The following ZFP2 variants were observed in gnomAD, a reference collection of about 807,000 sequenced individuals.
ZFP2 encodes the protein zinc finger protein ZFP2.
A neutral mutation model predicts 36.1 loss-of-function variants in ZFP2; 33 were observed. The observed-to-expected ratio is 0.92, with a 90% CI of 0.69 to 1.22. The LOEUF is 1.22. Ranked by LOEUF, ZFP2 falls within the 50% of genes most tolerant of loss-of-function variation. ZFP2 has a pLI of 0.00. For synonymous variants in ZFP2, 170 were observed against 178.0 expected (o/e 0.96, Z 0.36); for missense variants, 522 against 551.4 (o/e 0.95, Z 0.53).
chr5:178,911,633 A>G (rs1252755607), intron 1 of ZFP2, among the ~76,000 whole-genome samples: 1 of 152,188 alleles, frequency 6.6e-6, no homozygotes, highest in African/African-American at 2.4e-5. Flanking sequence ...GGGGGAGTCA[A>G]AAGTTACACA....
At chr5:178,926,835 T>C (rs1758684943) in intron 4 of ZFP2, among the ~76,000 whole-genome samples, 1 of 152,188 alleles carries the variant, frequency 6.6e-6, no homozygotes, top group African/African-American at 2.4e-5. Context: ...GGTATTTTCA[T>C]ACTCAGTTTG....
Position 178,913,826 on chromosome 5 carries a change from T to C in ZFP2, c.-224+755T>C, listed in dbSNP as rs2113087287. ...TTTTACATCTTTATCTTCTCTACCA[T>C]GTGCAAAAGTACCAATCATTTCTTT... On this transcript the variant is annotated intron_variant, in intron 3 of 4. Transcript: ENST00000361362. 4 of 151,692 alleles carry C rather than the reference T, an allele frequency of 2.6e-5. No individual in the cohort carries two copies. The East Asian group carries it at 5.8e-4, about 22-fold the overall frequency. The allele number at this position is 151,692 out of a possible 1,614,324, so 9.4% of individuals were successfully genotyped here. A position where few individuals can be genotyped will look rare whatever the true frequency, so the allele number is the denominator to read the frequency against.
At position 178,931,679 on chromosome 5, in the gene ZFP2, G is replaced by A. The variant is rs751904949; in HGVS notation, c.366G>A (p.Arg122=). ...SQSSSLLKHQ[R]IHTGEKPYKC... ...GCTCATCCCTTCTTAAGCACCAGAG[G>A]ATTCATACTGGGGAGAAACCCTATA... Residue 122 remains arginine, a synonymous_variant, in exon 5 of 5, where the codon AGG becomes AGA. Transcript: ENST00000361362. 6.2e-7 allele frequency: 1 copy of A among 1,614,154 alleles called. No homozygotes were observed. Among genetic ancestry groups the A allele is most frequent in the East Asian group, 2.2e-5 (1 of 44,876 alleles).
At chr5:178,928,364 C>T (rs1212194487) in intron 4 of ZFP2, among the ~76,000 whole-genome samples, 9 of 152,136 alleles carry the variant, frequency 5.9e-5, no homozygotes, top group Non-Finnish European at 1.5e-5. Context: ...AGGCAAGTCC[C>T]TTCTACCTAT....
intron 1 of ZFP2, among the ~76,000 whole-genome samples, chr5:178,901,995 C>T (rs1758067085): frequency 6.6e-6 from 1 of 151,870 alleles, no homozygotes; most frequent in Non-Finnish European, 1.5e-5. Context: ...ATGAACCGGG[C>T]GTGGTGGCAC....
intron 1 of ZFP2, among the ~76,000 whole-genome samples, chr5:178,900,382 C>T (rs1190313600): frequency 2.8e-4 from 33 of 116,894 alleles, no homozygotes; most frequent in Non-Finnish European, 4.1e-4. Flanking sequence ...ACTCCACGTC[C>T]CCCACCCCAG....
At chr5:178,897,847 C>T (rs889273856) in intron 1 of ZFP2, among the ~76,000 whole-genome samples, 3 of 152,150 alleles carry the variant, frequency 2.0e-5, no homozygotes, top group Admixed American at 2.0e-4. Context: ...AACAATGTAT[C>T]TGGTAAATAA....
intron 1 of ZFP2, chr5:178,910,130 T>TGC (rs1167787869): frequency 2.8e-6 from 4 of 1,450,454 alleles, no homozygotes; most frequent in Non-Finnish European, 3.9e-6. Flanking sequence ...TGGAGAACCG[T>TGC]GCACAGATTC....
At chr5:178,928,067 A>G (rs1758730937) in intron 4 of ZFP2, among the ~76,000 whole-genome samples, 1 of 151,894 alleles carries the variant, frequency 6.6e-6, no homozygotes, top group African/African-American at 2.4e-5. Flanking sequence ...CTCACTCATG[A>G]TAGGGAGGAC....
chr5:178,921,366 C>CCAACATTTTTCTTTCTT (rs1554106972), intron 4 of ZFP2, among the ~76,000 whole-genome samples: 1 of 150,380 alleles, frequency 6.6e-6, no homozygotes, highest in Admixed American at 6.6e-5. Context: ...AGTGACCATC[C>CCAACATTTTTCTTTCTT]CTATGTAGAG....
At chr5:178,907,907 T>TG (rs1204258599) in intron 1 of ZFP2, among the ~76,000 whole-genome samples, 5 of 152,212 alleles carry the variant, frequency 3.3e-5, no homozygotes, top group Non-Finnish European at 7.3e-5. Context: ...TCTTAAAAAA[T>TG]GCTCACTTGA....
intron 4 of ZFP2, among the ~76,000 whole-genome samples, chr5:178,918,657 A>T (rs1209929970): frequency 3.9e-5 from 6 of 152,234 alleles, no homozygotes; most frequent in Non-Finnish European, 7.3e-5. Flanking sequence ...CAAGCCGTTA[A>T]GGGAGTATTG....
Position 178,932,416 on chromosome 5 carries a change from C to T in ZFP2, c.1103C>T (p.Ser368Phe). Residue 368 changes from serine to phenylalanine, a missense_variant, in exon 5 of 5, where the codon TCC becomes TTC. Coordinates refer to ENST00000361362, the MANE Select transcript of ZFP2 (RefSeq NM_030613.4). ...VCGKHFTGRS[S>F]LTVHQVIHTG... ...GGAAAACATTTCACTGGACGATCAT[C>T]CCTTACCGTGCATCAGGTCATTCAC... 13 of 1,613,988 alleles carry T rather than the reference C, an allele frequency of 8.1e-6. No individual in the cohort carries two copies. Among genetic ancestry groups the T allele is most frequent in the Non-Finnish European group, 1.1e-5 (13 of 1,180,006 alleles).
chr5:178,932,704 T>G lies in ZFP2; in HGVS notation c.*5T>G. The stretch of plus-strand genomic sequence containing the variant: ...CATCAAAGAACTCATACGTGAGGAA[T>G]GTTTTCACTGGCCCTTACCTCATGA... On this transcript the variant is annotated 3_prime_UTR_variant, in exon 5 of 5. Transcript: ENST00000361362. 1 of 1,579,468 alleles carries G rather than the reference T, an allele frequency of 6.3e-7. No homozygotes were observed. Among genetic ancestry groups the G allele is most frequent in the South Asian group, 1.2e-5 (1 of 84,584 alleles).
intron 4 of ZFP2, among the ~76,000 whole-genome samples, chr5:178,918,982 G>A (rs1204013430): frequency 6.6e-6 from 1 of 152,048 alleles, no homozygotes; most frequent in African/African-American, 2.4e-5. Context: ...TCATTTTGTA[G>A]GTAGACAGTT....
intron 4 of ZFP2, among the ~76,000 whole-genome samples, chr5:178,928,551 T>C (rs189224035): frequency 1.1e-3 from 170 of 152,340 alleles, no homozygotes; most frequent in Non-Finnish European, 1.5e-3. Flanking sequence ...TTCAAAATTA[T>C]TTTCTTTGAC....
intron 1 of ZFP2, among the ~76,000 whole-genome samples, chr5:178,900,028 G>T (rs921915390): frequency 1.1e-4 from 17 of 152,218 alleles, no homozygotes; most frequent in Admixed American, 1.0e-3. Flanking sequence ...TAAAATGGGG[G>T]TATTGGACAA....
rs1030927446 is a variant in ZFP2, at chr5:178,931,428, A to C, written c.115A>C (p.Thr39Pro). 5.0e-6 allele frequency: 8 copies of C among 1,614,138 alleles called. No individual in the cohort carries two copies. Among genetic ancestry groups the C allele is most frequent in the Non-Finnish European group, 6.8e-6 (8 of 1,180,014 alleles). The part of the protein sequence containing the change: ...LSQVGVTHKE[T>P]FTEMRVCGGN... ...CCAAGTGGGAGTTACCCATAAGGAA[A>C]CCTTCACTGAGATGAGAGTATGTGG... is the stretch of plus-strand genomic sequence containing the variant. Residue 39 changes from threonine to proline, a missense_variant, in exon 5 of 5, where the codon ACC (threonine) becomes CCC (proline). Transcript: ENST00000361362.
chr5:178,906,325 C>A (rs1758164105), intron 1 of ZFP2, among the ~76,000 whole-genome samples: 1 of 152,134 alleles, frequency 6.6e-6, no homozygotes, highest in South Asian at 2.1e-4. Context: ...TCTTGCATTT[C>A]TGATTTGATA....
Sources: allele counts gnomAD v4.1 joint callset (sites outside exome capture counted in the v4.1 genomes callset), GRCh38; gene constraint gnomAD v4.1.1; transcripts MANE v1.5; gene names NCBI Gene and HGNC (gene_info 2026-07-23, HGNC 2026-07-21).